The following NAV2 variants were observed in gnomAD, a reference collection of about 807,000 sequenced individuals.
The protein encoded by NAV2 is neuron navigator 2.
In NAV2, 54 loss-of-function variants were observed where a neutral mutation model predicts 223.2. The ratio of observed to expected loss-of-function variants is 0.24; its 90% confidence interval spans 0.19 to 0.30. The LOEUF (loss-of-function observed/expected upper bound fraction) is 0.30. Ranked by LOEUF, NAV2 falls within the 10% of genes least tolerant of loss-of-function variation. The pLI is 1.00. For missense variants in NAV2, 2,806 were observed against 3,147.5 expected, an observed-to-expected ratio of 0.89 and a Z score of 2.60; for synonymous variants, 1,279 against 1,239.3, an observed-to-expected ratio of 1.03 and a Z score of -0.67.
At chr11:19,625,935 C>G (rs2047157900) in intron 1 of NAV2, among the ~76,000 whole-genome samples, 1 of 151,950 alleles carries the variant, frequency 6.6e-6, no homozygotes, top group Non-Finnish European at 1.5e-5. Flanking sequence ...GATATTGACC[C>G]CTTGTCAGAT....
At chr11:19,963,116 C>T (rs1294016018) in intron 10 of NAV2, among the ~76,000 whole-genome samples, 2 of 152,218 alleles carry the variant, frequency 1.3e-5, no homozygotes, top group Non-Finnish European at 2.9e-5. Context: ...TGACTTTCTG[C>T]CAGTCCTGCT....
intron 1 of NAV2, among the ~76,000 whole-genome samples, chr11:19,571,566 A>C (rs1202954857): frequency 6.6e-6 from 1 of 152,132 alleles, no homozygotes; most frequent in East Asian, 1.9e-4. Flanking sequence ...ATTAGCCAGG[A>C]GTGTTGGCAT....
intron 1 of NAV2, among the ~76,000 whole-genome samples, chr11:19,750,996 C>G (rs1191522986): frequency 1.3e-5 from 2 of 152,210 alleles, no homozygotes; most frequent in African/African-American, 4.8e-5. Context: ...CTGGCTGGTA[C>G]TATCTCTTGA....
At chr11:19,978,965 TGAAG>T in intron 10 of NAV2, 1 of 152,236 alleles carries the variant, frequency 6.6e-6, no homozygotes, top group Non-Finnish European at 1.5e-5. Flanking sequence ...ATGTTAGACT[TGAAG>T]TCTGGAGTAT....
intron 1 of NAV2, among the ~76,000 whole-genome samples, chr11:19,471,444 G>C (rs781028152): frequency 5.9e-5 from 9 of 152,150 alleles, no homozygotes; most frequent in African/African-American, 1.9e-4. Flanking sequence ...TGCTTCCTCT[G>C]TGCCGGCCAT....
chr11:19,876,127 G>A (rs2062818237), intron 4 of NAV2, among the ~76,000 whole-genome samples: 1 of 152,172 alleles, frequency 6.6e-6, no homozygotes, highest in Admixed American at 6.5e-5. Flanking sequence ...CCGGGTTCAA[G>A]CGATTCTCCT....
At chr11:19,591,045 T>C (rs575134061) in intron 1 of NAV2, 88 of 152,334 alleles carry the variant, frequency 5.8e-4, no homozygotes, top group African/African-American at 2.1e-3. Flanking sequence ...AGCAGTTGAA[T>C]TGTAGAAAGC....
At chr11:19,644,470 G>C (rs1312780938) in intron 1 of NAV2, among the ~76,000 whole-genome samples, 2 of 152,246 alleles carry the variant, frequency 1.3e-5, no homozygotes, top group Non-Finnish European at 2.9e-5. Flanking sequence ...CTGTGGTAGA[G>C]GCCTTTTGAC....
In NAV2 at chr11:19,915,651, T is replaced by A. The variant is rs555128453; in HGVS notation, c.932-17525T>A. Among the ~76,000 whole-genome samples the A allele has an allele frequency of 5.3e-5, 8 of 152,352 alleles. No individual in the cohort carries two copies. In the South Asian group the frequency reaches 1.7e-3, roughly 32 times the overall value. On this transcript the variant is annotated intron_variant, in intron 6 of 37. Transcript: ENST00000349880. ...TAGATTTTGTTTCCTCTAGAAATCTTTCCCTGACCTCTGGAGATTGAGTTT... is the reference window on the plus strand; with the variant it reads ...TAGATTTTGTTTCCTCTAGAAATCTATCCCTGACCTCTGGAGATTGAGTTT...
chr11:19,732,374 C>G (rs573549268), intron 1 of NAV2, among the ~76,000 whole-genome samples: 14 of 152,256 alleles, frequency 9.2e-5, no homozygotes, highest in African/African-American at 3.4e-4. Flanking sequence ...AGTTTTCTCC[C>G]CTGTAAAATG....
intron 1 of NAV2, among the ~76,000 whole-genome samples, chr11:19,749,765 CTTGAT>C (rs1470894678): frequency 6.6e-6 from 1 of 152,228 alleles, no homozygotes; most frequent in African/African-American, 2.4e-5. Context: ...AGCATTCAGA[CTTGAT>C]ATTCATTTGT....
At chr11:19,985,969 AC>A (rs2050762451) in intron 11 of NAV2, among the ~76,000 whole-genome samples, 1 of 152,088 alleles carries the variant, frequency 6.6e-6, no homozygotes, top group Non-Finnish European at 1.5e-5. Flanking sequence ...TTGCTACAAC[AC>A]CCCCACTGGA....
chr11:19,886,035 C>T (rs999653422), intron 5 of NAV2, among the ~76,000 whole-genome samples: 1 of 152,020 alleles, frequency 6.6e-6, no homozygotes, highest in Non-Finnish European at 1.5e-5. Flanking sequence ...AACCTAGACT[C>T]ATGGCGCTAT....
intron 1 of NAV2, among the ~76,000 whole-genome samples, chr11:19,812,859 A>G (rs1035940015): frequency 5.3e-5 from 8 of 152,124 alleles, no homozygotes; most frequent in African/African-American, 2.4e-5. Context: ...TTAAGAGGAG[A>G]CCAGAATTCA....
chr11:19,599,349 C>T lies in NAV2; in HGVS notation c.76-233135C>T, dbSNP rs76006032. Reference sequence around the variant, plus strand: ...CTTTTTCATGTTTTCCTTCTTACCTCCTGTTCATTTCATCCATCCGGCCAA... The same window carrying T: ...CTTTTTCATGTTTTCCTTCTTACCTTCTGTTCATTTCATCCATCCGGCCAA... On this transcript the variant is annotated intron_variant, in intron 1 of 37. Coordinates refer to the NAV2 transcript ENST00000360655. 4.9e-3 allele frequency among the ~76,000 whole-genome samples: 749 copies of T among 152,292 alleles called. 4 individuals carry two copies. Among genetic ancestry groups the T allele is most frequent in the African/African-American group, 0.017 (713 of 41,550 alleles).
At chr11:19,403,134 T>C (rs933447131) in intron 1 of NAV2, among the ~76,000 whole-genome samples, 1 of 152,184 alleles carries the variant, frequency 6.6e-6, no homozygotes. Context: ...CTCTGCCAAG[T>C]GCTTAGAACA....
chr11:19,947,392 G>T (rs772510690), intron 9 of NAV2, among the ~76,000 whole-genome samples: 12 of 152,322 alleles, frequency 7.9e-5, no homozygotes, highest in Non-Finnish European at 1.2e-4. Context: ...GTAAACTCGG[G>T]GGTTTGGGGG....
chr11:19,709,172 C>T (rs900733374), upstream of NAV2, among the ~76,000 whole-genome samples: 4 of 124,184 alleles, frequency 3.2e-5, no homozygotes, highest in Non-Finnish European at 3.6e-5. Context: ...AGCTTCCCCC[C>T]GCCCCACCCT....
Position 19,713,605 on chromosome 11 carries a change from G to A in NAV2, c.-91G>A. ...GTGGGCGCCTCGTGGGCTAAGGCCC[G>A]GCGCCTGCTCTGCTACCCGCGCTGC... On this transcript the variant is annotated 5_prime_UTR_variant, in exon 1 of 38. Coordinates refer to ENST00000349880, the MANE Select transcript of NAV2 (RefSeq NM_145117.5). The surrounding 1 kb of genome is among the most constrained non-coding windows in gnomAD (Gnocchi z 7.2). 2 of 1,446,216 alleles carry A rather than the reference G, an allele frequency of 1.4e-6. No homozygotes were observed. Among genetic ancestry groups the A allele is most frequent in the Non-Finnish European group, 1.8e-6 (2 of 1,098,860 alleles). 89.6% of individuals were successfully genotyped at this position (1,446,216 alleles called of 1,614,324 possible).
Sources: allele counts gnomAD v4.1 joint callset (sites outside exome capture counted in the v4.1 genomes callset), GRCh38; gene constraint gnomAD v4.1.1; non-coding constraint Gnocchi (gnomAD v3.1); transcripts MANE v1.5; gene names NCBI Gene and HGNC (gene_info 2026-07-23, HGNC 2026-07-21).